The following SPON2 variants were observed in gnomAD, a reference collection of about 807,000 sequenced individuals.
The protein encoded by SPON2 is spondin 2, also known as spondin-2.
SPON2 carries 32 observed loss-of-function variants against 29.9 expected under a neutral mutation model. The observed-to-expected ratio is 1.07, with a 90% confidence interval of 0.81 to 1.44. The LOEUF (loss-of-function observed/expected upper bound fraction) is 1.44, where lower values mean the gene tolerates loss of function less well. Ranked by LOEUF, SPON2 falls within the 40% of genes most tolerant of loss-of-function variation. SPON2 has a pLI of 0.00. For synonymous variants in SPON2, 248 were observed against 209.1 expected (o/e 1.19, Z -1.61); for missense variants, 541 against 455.5 (o/e 1.19, Z -1.71).
chr4:1,176,818 G>T (rs912357454), upstream of SPON2, among the ~76,000 whole-genome samples: 3 of 152,068 alleles, frequency 2.0e-5, no homozygotes, highest in Middle Eastern at 3.2e-3. Flanking sequence ...ATCATCCACA[G>T]TTCATTCATT....
intron 2 of SPON2, 101 bp downstream of exon 2, chr4:1,171,751 G>T: frequency 1.1e-6 from 1 of 899,838 alleles, no homozygotes; most frequent in Non-Finnish European, 1.8e-6. Context: ...CCCGACGTCA[G>T]CACGCCCCAG....
Position 1,172,091 on chromosome 4 carries a change from G to T in SPON2, c.-3-17C>A. On this transcript the variant is annotated splice_polypyrimidine_tract_variant and intron_variant, in intron 1 of 5. Coordinates refer to ENST00000290902, the MANE Select transcript of SPON2 (RefSeq NM_012445.4). ...TTCCATCACCTGGGAGCACAGAGGG[G>T]AGCAGCCGCGCGCTGGCACCGTCGT... is the stretch of plus-strand genomic sequence containing the variant. 6.2e-7 allele frequency: 1 copy of T among 1,603,610 alleles called. No homozygotes were observed.
At chr4:1,176,845 TCA>T (rs578010453), upstream of SPON2, among the ~76,000 whole-genome samples, 163 of 151,704 alleles carry the variant, frequency 1.1e-3, 2 homozygotes, top group Middle Eastern at 0.038. Context: ...CACAGTTCAT[TCA>T]CACACTTCAT....
At chr4:1,186,087 A>AG (rs1727795297) in intron 1 of SPON2, among the ~76,000 whole-genome samples, 3 of 133,242 alleles carry the variant, frequency 2.3e-5, no homozygotes, top group Non-Finnish European at 5.1e-5. Flanking sequence ...TACTAAAAAT[A>AG]CAAAAAATTA....
chr4:1,190,751 G>A (rs1253908956), intron 1 of SPON2, among the ~76,000 whole-genome samples: 1 of 152,180 alleles, frequency 6.6e-6, no homozygotes, highest in Non-Finnish European at 1.5e-5. Flanking sequence ...GCTGAGAAAT[G>A]AGTTCTGCAA....
Position 1,185,857 on chromosome 4 carries a change from A to G in SPON2, c.-238-6316T>C, listed in dbSNP as rs559729741. On this transcript the variant is annotated intron_variant, in intron 1 of 3. Transcript: ENST00000502483. ...AAAGCTGTACAACTTCAGATTTTAC[A>G]ATGATTTATTGGATATGACACCAAA... Among the ~76,000 whole-genome samples the G allele has an allele frequency of 2.2e-3, 331 of 152,286 alleles. 2 individuals carry two copies. The highest frequency in any genetic ancestry group is 7.1e-3 in the African/African-American group (295 of 41,574).
At position 1,171,348 on chromosome 4, in the gene SPON2, A is replaced by C. The variant is rs773503910; in HGVS notation, c.359T>G (p.Val120Gly). ...GGCGGGCGCCGAAAACACCGCGTGCACGCTCTGCAGCGCCTCCCCCGCCGC... is the reference window on the plus strand; with the variant it reads ...GGCGGGCGCCGAAAACACCGCGTGCCCGCTCTGCAGCGCCTCCCCCGCCGC... ...IEAAGEALQS[V>G]HAVFSAPAVP... is the part of the protein sequence containing the mutation. Residue 120 changes from valine (V) to glycine (G), a missense_variant, in exon 3 of 6, where the codon GTG (valine) becomes GGG (glycine). By Grantham distance (109) the Val-to-Gly change is moderately radical. Transcript: ENST00000290902. 2 of 1,609,744 alleles carry C rather than the reference A, an allele frequency of 1.2e-6. No individual in the cohort carries two copies. Among genetic ancestry groups the C allele is most frequent in the African/African-American group, 2.7e-5 (2 of 74,926 alleles).
At chr4:1,174,509 AAC>A (rs1162350965), upstream of SPON2, among the ~76,000 whole-genome samples, 15 of 149,694 alleles carry the variant, frequency 1.0e-4, no homozygotes, top group African/African-American at 1.5e-4. Flanking sequence ...AAAACAAAAA[AAC>A]AAAAAACAAA....
At chr4:1,190,125 A>G (rs1189627665) in intron 1 of SPON2, among the ~76,000 whole-genome samples, 1 of 152,154 alleles carries the variant, frequency 6.6e-6, no homozygotes, top group Non-Finnish European at 1.5e-5. Flanking sequence ...TACAGAAATT[A>G]AAAGATTTAT....
upstream of SPON2, among the ~76,000 whole-genome samples, chr4:1,197,854 T>C (rs1281673365): frequency 6.6e-6 from 1 of 151,966 alleles, no homozygotes; most frequent in Admixed American, 6.6e-5. Context: ...TTTGAGACCA[T>C]CCTGGCCAAT....
chr4:1,180,490 A>G (rs1456723796), intron 1 of SPON2, among the ~76,000 whole-genome samples: 1 of 152,232 alleles, frequency 6.6e-6, no homozygotes, highest in East Asian at 1.9e-4. Context: ...AGAAAGCACA[A>G]GAAAGTATGA....
Position 1,171,054 on chromosome 4 carries a change from C to G in SPON2, c.581G>C (p.Gly194Ala), listed in dbSNP as rs145157975. 27 of 1,548,848 alleles carry G rather than the reference C, an allele frequency of 1.7e-5. No individual in the cohort carries two copies. Among genetic ancestry groups the G allele is most frequent in the Non-Finnish European group, 1.8e-5 (21 of 1,146,142 alleles). ...LYPYDAGTDS[G>A]FTFSSPNFAT... Reference sequence around the variant, plus strand: ...GAAGTTGGGGGAGGAGAAGGTGAAGCCGCTGTCCGTCCCGGCGTCGTAGGG... The same window carrying G: ...GAAGTTGGGGGAGGAGAAGGTGAAGGCGCTGTCCGTCCCGGCGTCGTAGGG... The change falls in exon 4 of 6, where the codon GGC becomes GCC. Residue 194 changes from glycine (G) to alanine (A), a missense_variant. Transcript: ENST00000290902.
At chr4:1,204,074 G>A (rs188485368) in intron 1 of SPON2, among the ~76,000 whole-genome samples, 4 of 152,240 alleles carry the variant, frequency 2.6e-5, no homozygotes, top group East Asian at 1.9e-4. Context: ...GTTTCACCAC[G>A]TTGGCCAGGC....
At chr4:1,169,530 C>T (rs937152240) in intron 5 of SPON2, among the ~76,000 whole-genome samples, 7 of 152,156 alleles carry the variant, frequency 4.6e-5, no homozygotes, top group African/African-American at 1.7e-4. Context: ...GGACGGCTGA[C>T]AGTAAGCTTG....
Position 1,202,387 on chromosome 4 carries a change from G to A in SPON2, c.-234+5493C>T. Among the ~76,000 whole-genome samples, 1 of 152,212 alleles carries A rather than the reference G, an allele frequency of 6.6e-6. No individual in the cohort carries two copies. Among genetic ancestry groups the A allele is most frequent in the East Asian group, 1.9e-4 (1 of 5,190 alleles). ...GTTTCAGCCTGAGCTTTAGAGGACG[G>A]AAACGTTCCAACCACGGCACTGCAC... On this transcript the variant is annotated intron_variant, in intron 1 of 3. Transcript: ENST00000509233. This position sits in a 1 kb window ranked among gnomAD's most constrained non-coding sequence, Gnocchi z 5.4.
chr4:1,183,269 G>A (rs868811308), intron 1 of SPON2, among the ~76,000 whole-genome samples: 7 of 144,650 alleles, frequency 4.8e-5, no homozygotes, highest in African/African-American at 2.0e-4. Flanking sequence ...AAAAGAAAGA[G>A]AGAGAAAATA....
At chr4:1,198,393 G>A (rs1054972639), upstream of SPON2, among the ~76,000 whole-genome samples, 3 of 152,148 alleles carry the variant, frequency 2.0e-5, no homozygotes, top group Non-Finnish European at 4.4e-5. Context: ...TCATCCCAGG[G>A]TTACTTTAAC....
At chr4:1,203,129 G>C (rs1728254319) in intron 1 of SPON2, among the ~76,000 whole-genome samples, 1 of 152,190 alleles carries the variant, frequency 6.6e-6, no homozygotes, top group African/African-American at 2.4e-5. Flanking sequence ...CAGCCTGCCG[G>C]CACCTGGATC....
chr4:1,184,308 CA>C (rs972678995), intron 1 of SPON2, among the ~76,000 whole-genome samples: 5 of 152,148 alleles, frequency 3.3e-5, no homozygotes, highest in African/African-American at 1.2e-4. Flanking sequence ...ACTCTCTACT[CA>C]AAAGACAGAG....
Sources: allele counts gnomAD v4.1 joint callset (sites outside exome capture counted in the v4.1 genomes callset), GRCh38; gene constraint gnomAD v4.1.1; non-coding constraint Gnocchi (gnomAD v3.1); transcripts MANE v1.5; gene names NCBI Gene and HGNC (gene_info 2026-07-23, HGNC 2026-07-21).